Variants in IGFBP5 observed in about 807,000 individuals in gnomAD.
IGFBP5 encodes the protein insulin-like growth factor-binding protein 5.
In IGFBP5, 12 loss-of-function variants were observed where a neutral mutation model predicts 28.0. The observed-to-expected ratio is 0.43, with a 90% CI of 0.27 to 0.69. The LOEUF is 0.69. Among genes scored for constraint, IGFBP5 ranks in the 30% least tolerant of loss-of-function variants. The pLI, the probability that IGFBP5 is intolerant of heterozygous loss-of-function variation, is 0.20. For missense variants in IGFBP5, 344 were observed against 381.6 expected (o/e 0.90, Z 0.82); for synonymous variants, 152 against 150.2 (o/e 1.01, Z -0.09).
At chr2:216,677,881 C>T (rs930987333) in intron 3 of IGFBP5, among the ~76,000 whole-genome samples, 29 of 152,244 alleles carry the variant, frequency 1.9e-4, no homozygotes, top group East Asian at 3.9e-4. Flanking sequence ...GTAGCTAAGG[C>T]GACCTGTGGA....
chr2:216,687,811 G>A (rs1218175574), intron 1 of IGFBP5, among the ~76,000 whole-genome samples: 1 of 152,194 alleles, frequency 6.6e-6, no homozygotes, highest in African/African-American at 2.4e-5. Context: ...GCCAGCCACA[G>A]CCACATCCCC....
intron 1 of IGFBP5, among the ~76,000 whole-genome samples, chr2:216,684,859 C>T (rs1689017039): frequency 6.6e-6 from 1 of 152,226 alleles, no homozygotes; most frequent in African/African-American, 2.4e-5. Context: ...ATCCATGCTC[C>T]TGCCCTGGAG....
chr2:216,688,500 T>G (rs886122383), intron 1 of IGFBP5, among the ~76,000 whole-genome samples: 2 of 152,174 alleles, frequency 1.3e-5, no homozygotes, highest in East Asian at 3.9e-4. Flanking sequence ...ACCAGAAAAT[T>G]AAAAATGACA....
At chr2:216,689,084 G>A (rs528446246) in intron 1 of IGFBP5, among the ~76,000 whole-genome samples, 1 of 152,280 alleles carries the variant, frequency 6.6e-6, no homozygotes, top group East Asian at 1.9e-4. Flanking sequence ...GAACTTCCTA[G>A]TTACTGCACT....
chr2:216,678,901 A>G lies in IGFBP5; in HGVS notation c.516T>C (p.Thr172=), dbSNP rs1688936429. The G allele has an allele frequency of 6.2e-7, 1 of 1,614,158 alleles. No homozygotes were observed. Among genetic ancestry groups the G allele is most frequent in the Non-Finnish European group, 8.5e-7 (1 of 1,180,020 alleles). The change falls in exon 2 of 4, where the codon ACT becomes ACC. Residue 172 remains threonine, a synonymous_variant. Coordinates refer to ENST00000233813, the MANE Select transcript of IGFBP5 (RefSeq NM_000599.4). The part of the protein sequence containing the change: ...QSKFVGGAEN[T]AHPRIISAPE... ...GTGCAGAGATGATCCGGGGGTGGGC[A>G]GTGTTCTCGGCTCCCCCGACAAACT...
chr2:216,674,655 A>C lies in IGFBP5; in HGVS notation c.*2096T>G, dbSNP rs1208987635. On this transcript the variant is annotated 3_prime_UTR_variant, in exon 4 of 4. Coordinates refer to ENST00000233813, the MANE Select transcript of IGFBP5 (RefSeq NM_000599.4). The surrounding 1 kb of genome is among the most constrained non-coding windows in gnomAD (Gnocchi z 4.4). ...TCCTGGATATCTTCAGCCTTAAAGA[A>C]CAGTCACAAGGCCACCCATTGGTTG... The C allele has an allele frequency of 6.6e-6, 1 of 152,188 alleles. No individual in the cohort carries two copies. The highest frequency in any genetic ancestry group is 2.4e-5 in the African/African-American group (1 of 41,444). 9.4% of individuals were successfully genotyped at this position (152,188 alleles called of 1,614,324 possible).
intron 1 of IGFBP5, among the ~76,000 whole-genome samples, chr2:216,681,654 C>A (rs1276707298): frequency 1.3e-5 from 2 of 152,142 alleles, no homozygotes; most frequent in Admixed American, 6.5e-5. Context: ...AATGGGGGTG[C>A]CATTCCATCC....
chr2:216,678,437 C>T (rs1403059241), intron 2 of IGFBP5, among the ~76,000 whole-genome samples: 4 of 152,200 alleles, frequency 2.6e-5, no homozygotes, highest in Admixed American at 6.5e-5. Flanking sequence ...TGGCCAGGTA[C>T]GGAGTCATAC....
Position 216,692,362 on chromosome 2 carries a change from C to CGTGTGTGTGTGT in IGFBP5, c.337+2065_337+2076dup, listed in dbSNP as rs59144401. Among the ~76,000 whole-genome samples the CGTGTGTGTGTGT allele has an allele frequency of 7.5e-3, 1,065 of 142,508 alleles. 12 individuals are homozygous for CGTGTGTGTGTGT. Among genetic ancestry groups the CGTGTGTGTGTGT allele is most frequent in the Middle Eastern group, 0.018 (5 of 280 alleles). 93.5% of individuals were successfully genotyped at this position (142,508 alleles called of 152,430 possible). ...GGGATCTTGCTTGGGACTGAAGTGT[C>CGTGTGTGTGTGT]GTGTGTGTGTGTGTGTGTGTGTGTG... On this transcript the variant is annotated intron_variant, in intron 1 of 3. Coordinates refer to ENST00000233813, the MANE Select transcript of IGFBP5 (RefSeq NM_000599.4). The surrounding 1 kb of genome is among the most constrained non-coding windows in gnomAD (Gnocchi z 4.2).
In IGFBP5 at chr2:216,684,565, G is replaced by A. The variant is rs1689013814; in HGVS notation, c.338-5486C>T. 2.0e-5 allele frequency among the ~76,000 whole-genome samples: 3 copies of A among 152,154 alleles called. No individual in the cohort carries two copies. In the South Asian group the frequency reaches 6.2e-4, roughly 32 times the overall value. The stretch of plus-strand genomic sequence containing the variant: ...CTCCCATCTCCTTTTCTAGACAGAA[G>A]ATAAGATGAGGACGCCTAGAATCTC... On this transcript the variant is annotated intron_variant, in intron 1 of 3. Transcript: ENST00000233813.
Position 216,692,780 on chromosome 2 carries a change from C to T in IGFBP5, c.337+1659G>A, listed in dbSNP as rs1689116970. ...AGGCTGCAACCTGCAAAAAGATCGA[C>T]TTTTTGCAGGTTTGGAGATCGACTA... On this transcript the variant is annotated intron_variant, in intron 1 of 3. Coordinates refer to ENST00000233813, the MANE Select transcript of IGFBP5 (RefSeq NM_000599.4). The surrounding 1 kb of genome is among the most constrained non-coding windows in gnomAD (Gnocchi z 4.2). Among the ~76,000 whole-genome samples the T allele has an allele frequency of 6.6e-6, 1 of 152,032 alleles. No homozygotes were observed. The highest frequency in any genetic ancestry group is 1.5e-5 in the Non-Finnish European group (1 of 67,974).
intron 1 of IGFBP5, among the ~76,000 whole-genome samples, chr2:216,689,481 A>G (rs1689068863): frequency 6.6e-6 from 1 of 152,236 alleles, no homozygotes; most frequent in Non-Finnish European, 1.5e-5. Flanking sequence ...TACTGCCCCT[A>G]AAACAGAGTG....
Position 216,679,240 on chromosome 2 carries a change from G to A in IGFBP5, c.338-161C>T. On this transcript the variant is annotated intron_variant, in intron 1 of 3. Coordinates refer to ENST00000233813, the MANE Select transcript of IGFBP5 (RefSeq NM_000599.4). The surrounding 1 kb of genome is among the most constrained non-coding windows in gnomAD (Gnocchi z 4.6). Reference sequence around the variant, plus strand: ...CTGAAAGCAGGGGGATAAGAACCAGGAAGCAGAGGGAATGCTCATTTAAGT... The same window carrying A: ...CTGAAAGCAGGGGGATAAGAACCAGAAAGCAGAGGGAATGCTCATTTAAGT... 3.0e-6 allele frequency: 2 copies of A among 660,442 alleles called. No individual in the cohort carries two copies. Among genetic ancestry groups the A allele is most frequent in the Non-Finnish European group, 5.5e-6 (2 of 361,854 alleles). 40.9% of individuals were successfully genotyped at this position (660,442 alleles called of 1,614,324 possible).
In IGFBP5 at chr2:216,676,534, G is replaced by C. The variant is rs1203748439; in HGVS notation, c.*217C>G. 8.5e-6 allele frequency: 3 copies of C among 352,038 alleles called. No homozygotes were observed. Among genetic ancestry groups the C allele is most frequent in the Non-Finnish European group, 1.6e-5 (3 of 192,152 alleles). The allele number at this position is 352,038 out of a possible 1,614,324, so 21.8% of individuals were successfully genotyped here. A position where few individuals can be genotyped will look rare whatever the true frequency, so the allele number is the denominator to read the frequency against. On this transcript the variant is annotated 3_prime_UTR_variant, in exon 4 of 4. Transcript: ENST00000233813. Reference sequence around the variant, plus strand: ...TCAAAAAGAAAACCATTTAAAGGGGGGGGGTGTCTTTTTAGCTTTTTGCAT... The same window carrying C: ...TCAAAAAGAAAACCATTTAAAGGGGCGGGGTGTCTTTTTAGCTTTTTGCAT...
Position 216,694,444 on chromosome 2 carries a change from T to C in IGFBP5, c.332A>G (p.Lys111Arg). 1 of 1,555,308 alleles carries C rather than the reference T, an allele frequency of 6.4e-7. No homozygotes were observed. Among genetic ancestry groups the C allele is most frequent in the Non-Finnish European group, 8.7e-7 (1 of 1,154,842 alleles). Reference sequence around the variant, plus strand: ...GGCACACTGAGCGCGCTCACCGATCTTGACTTGCTCGCGGTAGCTCTTTTC... The same window carrying C: ...GGCACACTGAGCGCGCTCACCGATCCTGACTTGCTCGCGGTAGCTCTTTTC... ...LNEKSYREQV[K>R]IERDSREHEE... Residue 111 changes from lysine (K) to arginine (R), a missense_variant, in exon 1 of 4, where the codon AAG becomes AGG. Transcript: ENST00000233813. This position sits in a 1 kb window ranked among gnomAD's most constrained non-coding sequence, Gnocchi z 5.2.
chr2:216,694,771 A>G lies in IGFBP5; in HGVS notation c.5T>C (p.Val2Ala). ...CAGCAGGAGGACCGCGGTGAGCAAC[A>G]CCATCTTCTCTTAGTCGCCCCCTTT... M[V>A]LLTAVLLLLA... Residue 2 changes from valine (V) to alanine (A), a missense_variant, in exon 1 of 4, where the codon GTG becomes GCG. Physicochemically the swap from Val to Ala is moderately conservative, Grantham distance 64. This residue lies in a region of IGFBP5 where 304 missense variants were observed against 329.2 expected (regional missense o/e 0.92). Coordinates refer to ENST00000233813, the MANE Select transcript of IGFBP5 (RefSeq NM_000599.4). This position sits in a 1 kb window ranked among gnomAD's most constrained non-coding sequence, Gnocchi z 5.2. The G allele has an allele frequency of 7.1e-7, 1 of 1,409,810 alleles. No individual in the cohort carries two copies. Among genetic ancestry groups the G allele is most frequent in the Non-Finnish European group, 9.2e-7 (1 of 1,085,572 alleles). 87.3% of individuals were successfully genotyped at this position (1,409,810 alleles called of 1,614,324 possible).
intron 2 of IGFBP5, among the ~76,000 whole-genome samples, chr2:216,678,475 C>T (rs939718378): frequency 3.9e-5 from 6 of 152,228 alleles, no homozygotes; most frequent in East Asian, 1.9e-4. Flanking sequence ...AGTCCACCCC[C>T]TCCCCTGCAG....
intron 1 of IGFBP5, among the ~76,000 whole-genome samples, chr2:216,688,855 A>G (rs903699619): frequency 9.9e-5 from 15 of 152,172 alleles, no homozygotes; most frequent in Admixed American, 2.0e-4. Flanking sequence ...AGCATCCCAG[A>G]AGGAGGAGCT....
rs577266382 is a variant in IGFBP5, at chr2:216,694,380, C to G, written c.337+59G>C. The G allele has an allele frequency of 1.1e-3, 1,495 of 1,391,550 alleles. 5 individuals are homozygous for G. The highest frequency in any genetic ancestry group is 8.7e-4 in the Non-Finnish European group (925 of 1,060,352). 86.2% of individuals were successfully genotyped at this position (1,391,550 alleles called of 1,614,324 possible). ...GCTGCGCAAAGCGCGCGGGCCCAGCCGGTCTCGTGTCCCCCGCCCGTGCGC... is the reference window on the plus strand; with the variant it reads ...GCTGCGCAAAGCGCGCGGGCCCAGCGGGTCTCGTGTCCCCCGCCCGTGCGC... On this transcript the variant is annotated intron_variant, in intron 1 of 3. Transcript: ENST00000233813. The surrounding 1 kb of genome is among the most constrained non-coding windows in gnomAD (Gnocchi z 5.2).
Sources: allele counts gnomAD v4.1 joint callset (sites outside exome capture counted in the v4.1 genomes callset), GRCh38; gene constraint gnomAD v4.1.1; regional missense constraint gnomAD v4.1.1; non-coding constraint Gnocchi (gnomAD v3.1); transcripts MANE v1.5; gene names NCBI Gene and HGNC (gene_info 2026-07-23, HGNC 2026-07-21).